The following ITPKB variants were observed in gnomAD, a reference collection of about 807,000 sequenced individuals.
The protein encoded by ITPKB is IP3 3-kinase B.
Under a neutral mutation model 69.4 loss-of-function variants are expected in ITPKB, and 13 were observed. That is an observed-to-expected ratio of 0.19 (90% CI 0.12 to 0.30). The LOEUF is 0.30. Ranked by LOEUF, ITPKB falls within the 10% of genes least tolerant of loss-of-function variation. The probability of loss-of-function intolerance (pLI) is 1.00; values close to 1 mark genes in which losing one functional copy is unlikely to be tolerated. For missense variants in ITPKB, 1,240 were observed against 1,250.5 expected, an observed-to-expected ratio of 0.99 and a Z score of 0.13; for synonymous variants, 584 against 513.7, an observed-to-expected ratio of 1.14 and a Z score of -1.85.
intron 2 of ITPKB, among the ~76,000 whole-genome samples, chr1:226,703,585 C>T (rs1251953751): frequency 1.3e-5 from 2 of 152,212 alleles, no homozygotes; most frequent in African/African-American, 2.4e-5. Flanking sequence ...CGCCGTCTCC[C>T]GGCATGCTCG....
At chr1:226,728,656 G>T (rs1657493669) in intron 2 of ITPKB, among the ~76,000 whole-genome samples, 1 of 152,124 alleles carries the variant, frequency 6.6e-6, no homozygotes. Context: ...CCCCAACCCT[G>T]CAACTGAACA....
At chr1:226,692,163 G>A (rs992072529) in intron 2 of ITPKB, among the ~76,000 whole-genome samples, 1 of 152,034 alleles carries the variant, frequency 6.6e-6, no homozygotes, top group African/African-American at 2.4e-5. Flanking sequence ...TGTCCAAGGA[G>A]CAGAGCTAGG....
chr1:226,674,303 C>A (rs1669681451), intron 2 of ITPKB, among the ~76,000 whole-genome samples: 1 of 152,128 alleles, frequency 6.6e-6, no homozygotes, highest in African/African-American at 2.4e-5. Flanking sequence ...AGGTTCAAAC[C>A]AATCTCCTGC....
At position 226,631,825 on chromosome 1, in the gene ITPKB, G is replaced by GC. The variant is rs1558296752; in HGVS notation, c.*2845_*2846insG. The GC allele has an allele frequency of 3.6e-5, 1 of 27,620 alleles. No individual in the cohort carries two copies. Among genetic ancestry groups the GC allele is most frequent in the Non-Finnish European group, 1.3e-4 (1 of 7,600 alleles). 1.7% of individuals were successfully genotyped at this position (27,620 alleles called of 1,614,324 possible). A position where few individuals can be genotyped will look rare whatever the true frequency, so the allele number is the denominator to read the frequency against. ...CAGGAAGAGAGCCTCTCGGCAGGCGGGGGGGGTCCTCTCCTCCAGAACAAA... is the reference window on the plus strand; with the variant it reads ...CAGGAAGAGAGCCTCTCGGCAGGCGGCGGGGGGTCCTCTCCTCCAGAACAAA... On this transcript the variant is annotated 3_prime_UTR_variant, in exon 8 of 8. Coordinates refer to ENST00000429204, the MANE Select transcript of ITPKB (RefSeq NM_002221.4).
intron 2 of ITPKB, among the ~76,000 whole-genome samples, chr1:226,660,626 T>C (rs1558077371): frequency 2.6e-5 from 4 of 152,148 alleles, no homozygotes; most frequent in Admixed American, 2.6e-4. Context: ...GGAAATGCTG[T>C]GCTGAACAGA....
At chr1:226,704,288 TA>T (rs1656750367) in intron 2 of ITPKB, among the ~76,000 whole-genome samples, 1 of 152,208 alleles carries the variant, frequency 6.6e-6, no homozygotes, top group African/African-American at 2.4e-5. Context: ...TAACTCTCAA[TA>T]ATTAGATCTC....
At position 226,736,044 on chromosome 1, in the gene ITPKB, G is replaced by A. The variant is rs200706684; in HGVS notation, c.1415C>T (p.Ser472Phe). 29 of 1,613,558 alleles carry A rather than the reference G, an allele frequency of 1.8e-5. No homozygotes were observed. The highest frequency in any genetic ancestry group is 2.3e-5 in the Non-Finnish European group (27 of 1,179,994). The change falls in exon 2 of 8, where the codon TCT becomes TTT. Residue 472 changes from serine to phenylalanine, a missense_variant. Around this residue, in one of 2 missense-constraint regions of ITPKB, gnomAD observed 992 missense variants for 853.8 expected, o/e 1.16. Coordinates refer to ENST00000429204, the MANE Select transcript of ITPKB (RefSeq NM_002221.4). ...GTGNVEAGIPSGRMLEPLPCW... is the reference protein window; with the variant it reads ...GTGNVEAGIPFGRMLEPLPCW... ...GGGCAAAGGCTCCAGCATTCTGCCA[G>A]AAGGAATTCCCGCCTCCACATTCCC...
In ITPKB at chr1:226,736,922, G is replaced by A; in HGVS notation, c.537C>T (p.Pro179=). 1 of 1,610,660 alleles carries A rather than the reference G, an allele frequency of 6.2e-7. No individual in the cohort carries two copies. Among genetic ancestry groups the A allele is most frequent in the Non-Finnish European group, 8.5e-7 (1 of 1,180,010 alleles). ...CAGGGGGCTGACTGCTGCTGCGGAA[G>A]GGGCACGGGGAGGGCGAGCGAGCCC... ...LGRARSPSPC[P]FRSSSQPPGR... Residue 179 remains proline (P), a synonymous_variant, in exon 2 of 8, where the codon CCC becomes CCT. Coordinates refer to ENST00000429204, the MANE Select transcript of ITPKB (RefSeq NM_002221.4).
chr1:226,734,327 G>C (rs556762786), intron 2 of ITPKB, among the ~76,000 whole-genome samples: 7 of 152,360 alleles, frequency 4.6e-5, no homozygotes, highest in African/African-American at 1.7e-4. Flanking sequence ...AATCCAGACT[G>C]TGATTCGTGA....
chr1:226,723,306 C>A lies in ITPKB; in HGVS notation c.1932+12221G>T, dbSNP rs192427004. Among the ~76,000 whole-genome samples, 7 of 152,246 alleles carry A rather than the reference C, an allele frequency of 4.6e-5. No homozygotes were observed. In the East Asian group the frequency reaches 1.2e-3, roughly 25 times the overall value. ...ACTTCAAGAGGAGGCCAGGGTGACG[C>A]ACAGTGTACTTCAGAGACCCCAGAG... is the stretch of plus-strand genomic sequence containing the variant. On this transcript the variant is annotated intron_variant, in intron 2 of 7. Transcript: ENST00000429204.
chr1:226,720,939 G>A (rs1158845264), intron 2 of ITPKB, among the ~76,000 whole-genome samples: 2 of 151,908 alleles, frequency 1.3e-5, no homozygotes, highest in Admixed American at 6.6e-5. Flanking sequence ...CTACTCAGGA[G>A]GCTGAGGCAG....
chr1:226,701,420 C>T (rs1173163345), intron 2 of ITPKB, among the ~76,000 whole-genome samples: 14 of 151,394 alleles, frequency 9.2e-5, no homozygotes, highest in Admixed American at 7.9e-4. Context: ...CTGGCTAACA[C>T]GGTGAAACCC....
In ITPKB at chr1:226,634,219, G is replaced by A. The variant is rs41268731; in HGVS notation, c.*452C>T. 3,501 of 158,894 alleles carry A rather than the reference G, an allele frequency of 0.022. 125 individuals are homozygous for A. Among genetic ancestry groups the A allele is most frequent in the Admixed American group, 0.089 (1,523 of 17,070 alleles). The allele number at this position is 158,894 out of a possible 1,614,324, so 9.8% of individuals were successfully genotyped here. On this transcript the variant is annotated 3_prime_UTR_variant, in exon 8 of 8. Coordinates refer to ENST00000429204, the MANE Select transcript of ITPKB (RefSeq NM_002221.4). This position sits in a 1 kb window ranked among gnomAD's most constrained non-coding sequence, Gnocchi z 6.3. ...CCAGCCAGGGACCAGGAACCCGGCCGGCCCCCTGGGCTCTCCGGTGGGGAG... is the reference window on the plus strand; with the variant it reads ...CCAGCCAGGGACCAGGAACCCGGCCAGCCCCCTGGGCTCTCCGGTGGGGAG...
intron 2 of ITPKB, among the ~76,000 whole-genome samples, chr1:226,728,283 G>A (rs369132733): frequency 6.6e-6 from 1 of 152,164 alleles, no homozygotes; most frequent in Non-Finnish European, 1.5e-5. Flanking sequence ...GATACCTTTT[G>A]TTGAATGGGT....
rs535447403 is a variant in ITPKB at position 226,715,945 on chromosome 1, G to A, written c.1932+19582C>T. 2.0e-5 allele frequency among the ~76,000 whole-genome samples: 3 copies of A among 152,306 alleles called. No homozygotes were observed. In the South Asian group the frequency reaches 6.2e-4, roughly 32 times the overall value. ...CTTGCCTTAGCCTCCTGAGTAGCTA[G>A]GACTACAGGTGCCCGTCATAATGCC... On this transcript the variant is annotated intron_variant, in intron 2 of 7. Transcript: ENST00000429204.
intron 2 of ITPKB, among the ~76,000 whole-genome samples, chr1:226,700,477 A>C (rs1010377759): frequency 6.7e-5 from 10 of 148,716 alleles, no homozygotes; most frequent in Non-Finnish European, 1.3e-4. Context: ...AAAAAAAAAA[A>C]AAAAAAAAAA....
chr1:226,645,771 G>A (rs996936049), intron 4 of ITPKB, among the ~76,000 whole-genome samples: 1 of 152,164 alleles, frequency 6.6e-6, no homozygotes, highest in Non-Finnish European at 1.5e-5. Flanking sequence ...TCTCCTCCCT[G>A]CCCTATCCCA....
At chr1:226,707,188 T>A (rs1034837515) in intron 2 of ITPKB, 2 of 578,850 alleles carry the variant, frequency 3.5e-6, no homozygotes, top group Non-Finnish European at 4.4e-6. Flanking sequence ...AATCTTTTTT[T>A]ATTTTTTATT....
intron 7 of ITPKB, among the ~76,000 whole-genome samples, chr1:226,635,572 C>A (rs1387266693): frequency 6.6e-6 from 1 of 152,206 alleles, no homozygotes; most frequent in African/African-American, 2.4e-5. Context: ...TGGGGCCTCG[C>A]CCTTCCGCCT....
Sources: allele counts gnomAD v4.1 joint callset (sites outside exome capture counted in the v4.1 genomes callset), GRCh38; gene constraint gnomAD v4.1.1; regional missense constraint gnomAD v4.1.1; non-coding constraint Gnocchi (gnomAD v3.1); transcripts MANE v1.5; gene names NCBI Gene and HGNC (gene_info 2026-07-23, HGNC 2026-07-21).